Variants in PCSK1 observed in about 807,000 individuals in gnomAD.
PCSK1 encodes the protein neuroendocrine convertase 1.
In PCSK1, 56 loss-of-function variants were observed where a neutral mutation model predicts 90.6. The ratio of observed to expected loss-of-function variants is 0.62; its 90% CI spans 0.50 to 0.77. The LOEUF is 0.77. PCSK1 is among the 30% of genes least tolerant of loss of function. The pLI is 0.00. For synonymous variants in PCSK1, 348 were observed against 342.4 expected (o/e 1.02, Z -0.18); for missense variants, 801 against 932.6 (o/e 0.86, Z 1.84).
At chr5:96,394,472 T>C (rs1472370566) in intron 13 of PCSK1, among the ~76,000 whole-genome samples, 2 of 152,248 alleles carry the variant, frequency 1.3e-5, no homozygotes, top group African/African-American at 2.4e-5. Flanking sequence ...GATACACGAA[T>C]GTCTATCCTT....
rs1761559069 is a variant in PCSK1, at chr5:96,433,068, G to T, written c.-26C>A. On this transcript the variant is annotated 5_prime_UTR_variant, in exon 1 of 14. Transcript: ENST00000311106. The stretch of plus-strand genomic sequence containing the variant: ...AGCTCACACACTCGCTTGAACAAGA[G>T]TGGGAAGGGAAGAGGAAAAAGAAGC... 6 of 1,609,578 alleles carry T rather than the reference G, an allele frequency of 3.7e-6. No homozygotes were observed. Among genetic ancestry groups the T allele is most frequent in the Non-Finnish European group, 4.3e-6 (5 of 1,176,026 alleles).
At chr5:96,412,750 ATGTTTTT>A (rs1760800371) in intron 6 of PCSK1, among the ~76,000 whole-genome samples, 1 of 63,388 alleles carries the variant, frequency 1.6e-5, no homozygotes, top group African/African-American at 7.9e-5. Context: ...GGCAGCTGTG[ATGTTTTT>A]TTTTTTTTTT....
intron 9 of PCSK1, among the ~76,000 whole-genome samples, chr5:96,405,197 T>C (rs903408151): frequency 6.6e-6 from 1 of 152,214 alleles, no homozygotes; most frequent in Non-Finnish European, 1.5e-5. Flanking sequence ...GTCATACTTA[T>C]CTTACTGATG....
intron 2 of PCSK1, among the ~76,000 whole-genome samples, chr5:96,426,136 C>T (rs576511893): frequency 9.2e-5 from 14 of 152,230 alleles, no homozygotes; most frequent in African/African-American, 3.4e-4. Flanking sequence ...TAAAGTGCAC[C>T]TTTAGGGGGA....
chr5:96,423,599 T>C, intron 3 of PCSK1, 140 bp from the exon 4 acceptor site: 1 of 778,274 alleles, frequency 1.3e-6, no homozygotes, highest in East Asian at 2.7e-5. Context: ...TTCAGTGAAA[T>C]GAGAAAACAA....
chr5:96,412,752 G>GTTTTTTTTTTTTTTTT lies in PCSK1; in HGVS notation c.710-278_710-263dup, dbSNP rs57397343. Among the ~76,000 whole-genome samples the GTTTTTTTTTTTTTTTT allele has an allele frequency of 1.8e-3, 126 of 71,794 alleles. 29 individuals carry two copies. Among genetic ancestry groups the GTTTTTTTTTTTTTTTT allele is most frequent in the African/African-American group, 0.01 (112 of 11,116 alleles). The allele number at this position is 71,794 out of a possible 152,430, so 47.1% of individuals were successfully genotyped here. On this transcript the variant is annotated intron_variant, in intron 6 of 13. Transcript: ENST00000311106. ...CATGCACTGTGTAGGCAGCTGTGAT[G>GTTTTTTTTTTTTTTTT]TTTTTTTTTTTTTTTTTTTTTTTGG...
chr5:96,415,322 T>C (rs1423366836), intron 6 of PCSK1, among the ~76,000 whole-genome samples: 2 of 152,218 alleles, frequency 1.3e-5, no homozygotes, highest in African/African-American at 4.8e-5. Context: ...TCTGTTGTTG[T>C]ACTCAAGGCC....
chr5:96,431,350 G>A (rs1580772456), intron 1 of PCSK1, among the ~76,000 whole-genome samples: 1 of 152,124 alleles, frequency 6.6e-6, no homozygotes, highest in African/African-American at 2.4e-5. Flanking sequence ...CGGAGCAAAT[G>A]TTTTCTCCTT....
At chr5:96,399,271 G>A (rs1760269516) in intron 10 of PCSK1, among the ~76,000 whole-genome samples, 1 of 152,080 alleles carries the variant, frequency 6.6e-6, no homozygotes, top group Admixed American at 6.6e-5. Context: ...AATTCAGGCA[G>A]ATTTATTGTA....
chr5:96,407,934 A>G (rs1378647638), intron 9 of PCSK1, among the ~76,000 whole-genome samples: 1 of 152,224 alleles, frequency 6.6e-6, no homozygotes, highest in Non-Finnish European at 1.5e-5. Flanking sequence ...GTCAAAGCAT[A>G]TTGATTTAGA....
intron 1 of PCSK1, among the ~76,000 whole-genome samples, chr5:96,431,150 C>T (rs1416728044): frequency 6.6e-6 from 1 of 152,150 alleles, no homozygotes; most frequent in African/African-American, 2.4e-5. Context: ...TCCACAGTAC[C>T]CACCAGCACA....
At chr5:96,404,847 A>T (rs529804050) in intron 9 of PCSK1, among the ~76,000 whole-genome samples, 1 of 152,200 alleles carries the variant, frequency 6.6e-6, no homozygotes, top group Non-Finnish European at 1.5e-5. Context: ...TCTATGTCAT[A>T]AGAATGTTGT....
At chr5:96,424,691 G>A (rs1478870688) in intron 3 of PCSK1, among the ~76,000 whole-genome samples, 7 of 152,132 alleles carry the variant, frequency 4.6e-5, no homozygotes, top group Admixed American at 4.6e-4. Flanking sequence ...GGCCCGGTGC[G>A]GTGGCTCATG....
At chr5:96,421,063 G>A (rs74668309) in intron 5 of PCSK1, among the ~76,000 whole-genome samples, 3,756 of 152,300 alleles carry the variant, frequency 0.025, 153 homozygotes, top group African/African-American at 0.086. Context: ...ATCGGTATGA[G>A]CAAAGATGGT....
intron 12 of PCSK1, among the ~76,000 whole-genome samples, chr5:96,396,593 A>C (rs913437034): frequency 6.6e-6 from 1 of 152,076 alleles, no homozygotes; most frequent in African/African-American, 2.4e-5. Flanking sequence ...TTAGGCGTAT[A>C]ATTCTACACT....
chr5:96,422,403 A>G (rs1761157987), intron 4 of PCSK1, among the ~76,000 whole-genome samples: 1 of 152,156 alleles, frequency 6.6e-6, no homozygotes, highest in Non-Finnish European at 1.5e-5. Context: ...ACTCAGGTCC[A>G]TGGTGCTCTC....
At chr5:96,425,048 G>GAAAGAAAGAAAGAAAGAAAGAA (rs1561376409) in intron 3 of PCSK1, among the ~76,000 whole-genome samples, 1 of 123,866 alleles carries the variant, frequency 8.1e-6, no homozygotes, top group African/African-American at 2.9e-5. Context: ...AAGAAAGAAA[G>GAAAGAAAGAAAGAAAGAAAGAA]AAAGAAAGAA....
chr5:96,414,942 T>C (rs1760894222), intron 6 of PCSK1, among the ~76,000 whole-genome samples: 1 of 152,214 alleles, frequency 6.6e-6, no homozygotes, highest in South Asian at 2.1e-4. Flanking sequence ...ATTTATTTGG[T>C]TTCTAAAAAG....
intron 9 of PCSK1, among the ~76,000 whole-genome samples, chr5:96,403,663 C>T (rs1760460813): frequency 6.6e-6 from 1 of 152,170 alleles, no homozygotes; most frequent in Non-Finnish European, 1.5e-5. Context: ...TTAAGCATTG[C>T]TTCTAATTAG....
Sources: allele counts gnomAD v4.1 joint callset (sites outside exome capture counted in the v4.1 genomes callset), GRCh38; gene constraint gnomAD v4.1.1; transcripts MANE v1.5; gene names NCBI Gene and HGNC (gene_info 2026-07-23, HGNC 2026-07-21).